The following PIP4K2B variants were observed in gnomAD, a reference collection of about 807,000 sequenced individuals.
PIP4K2B encodes phosphatidylinositol 5-phosphate 4-kinase type-2 beta.
A neutral mutation model predicts 42.0 loss-of-function variants in PIP4K2B; 3 were observed. The ratio of observed to expected loss-of-function variants is 0.07; its 90% confidence interval spans 0.03 to 0.18. PIP4K2B has a LOEUF of 0.18. PIP4K2B is among the 10% of genes least tolerant of loss of function. The pLI, the probability that PIP4K2B is intolerant of heterozygous loss-of-function variation, is 1.00. For missense variants in PIP4K2B, 332 were observed against 562.3 expected, an observed-to-expected ratio of 0.59 and a Z score of 4.14; for synonymous variants, 204 against 210.1, an observed-to-expected ratio of 0.97 and a Z score of 0.25.
intron 6 of PIP4K2B, 62 bp from the exon 7 acceptor site, chr17:38,777,862 C>A: frequency 1.7e-6 from 2 of 1,202,424 alleles, no homozygotes; most frequent in Non-Finnish European, 2.5e-6. Context: ...GGACACCCAA[C>A]TGTTCTGCCG....
chr17:38,778,425 A>G (rs939831510), intron 5 of PIP4K2B, 53 bp from the exon 6 acceptor site: 40 of 1,528,128 alleles, frequency 2.6e-5, no homozygotes, highest in Non-Finnish European at 3.3e-5. Context: ...AGTCGACTGC[A>G]TGAGCAAACA....
intron 3 of PIP4K2B, among the ~76,000 whole-genome samples, chr17:38,783,300 G>A (rs1184895137): frequency 2.7e-5 from 4 of 150,486 alleles, no homozygotes; most frequent in African/African-American, 7.3e-5. Context: ...CAAGGAAGAA[G>A]ATCCAAGGAG....
intron 9 of PIP4K2B, among the ~76,000 whole-genome samples, 190 bp downstream of exon 9, chr17:38,770,246 G>C (rs1364064185): frequency 1.3e-5 from 2 of 152,208 alleles, no homozygotes; most frequent in African/African-American, 4.8e-5. Flanking sequence ...GCCTGGCAGG[G>C]AGCAGGTGGG....
chr17:38,792,991 C>T (rs947037079), intron 1 of PIP4K2B: 5 of 152,206 alleles, frequency 3.3e-5, no homozygotes, highest in African/African-American at 4.8e-5. Flanking sequence ...TGCAATGGCG[C>T]GATCTCTGCT....
rs963936399 is a variant in PIP4K2B, at chr17:38,766,488, C to T, written c.*3203G>A. The T allele has an allele frequency of 5.2e-5, 8 of 152,654 alleles. No homozygotes were observed. Among genetic ancestry groups the T allele is most frequent in the African/African-American group, 1.7e-4 (7 of 41,444 alleles). The allele number at this position is 152,654 out of a possible 1,614,324, so 9.5% of individuals were successfully genotyped here. A position where few individuals can be genotyped will look rare whatever the true frequency, so the allele number is the denominator to read the frequency against. Reference sequence around the variant, plus strand: ...CCTCCCCAAGGTATGCCCTGGCAGACCATGAAGACAGGAAAGGCAGGGCAG... The same window carrying T: ...CCTCCCCAAGGTATGCCCTGGCAGATCATGAAGACAGGAAAGGCAGGGCAG... On this transcript the variant is annotated 3_prime_UTR_variant, in exon 10 of 10. Coordinates refer to ENST00000619039, the MANE Select transcript of PIP4K2B (RefSeq NM_003559.5).
In PIP4K2B at chr17:38,780,567, C is replaced by T; in HGVS notation, c.392G>A (p.Ser131Asn). 6.2e-7 allele frequency: 1 copy of T among 1,613,558 alleles called. No homozygotes were observed. Among genetic ancestry groups the T allele is most frequent in the Non-Finnish European group, 8.5e-7 (1 of 1,179,460 alleles). The change falls in exon 4 of 10, where the codon AGC (serine) becomes AAC (asparagine). Residue 131 changes from serine (S) to asparagine (N), a missense_variant. Transcript: ENST00000619039. ...GAAACGCGTGCCACACCGACCCTGG[C>T]TGTCACTGTTGATGGGGGCGCTGCG... ...VTRSAPINSDSQGRCGTRFLT... is the reference protein window; with the variant it reads ...VTRSAPINSDNQGRCGTRFLT...
intron 7 of PIP4K2B, among the ~76,000 whole-genome samples, chr17:38,775,390 T>C (rs1909279810): frequency 6.6e-6 from 1 of 152,218 alleles, no homozygotes; most frequent in South Asian, 2.1e-4. Flanking sequence ...TAGCTAGGAC[T>C]ACAGGCACAT....
At chr17:38,779,231 G>T in intron 5 of PIP4K2B, 152 bp downstream of exon 5, 1 of 728,948 alleles carries the variant, frequency 1.4e-6, no homozygotes, top group South Asian at 1.9e-5. Flanking sequence ...ACTGCCTTTG[G>T]TCCACAAGAA....
chr17:38,790,919 A>G (rs1910309942), intron 1 of PIP4K2B, among the ~76,000 whole-genome samples: 2 of 152,020 alleles, frequency 1.3e-5, no homozygotes, highest in Admixed American at 6.5e-5. Flanking sequence ...TATATCCCAG[A>G]GAGTTCTATT....
intron 3 of PIP4K2B, among the ~76,000 whole-genome samples, chr17:38,782,642 CTCT>C (rs1488955384): frequency 6.6e-6 from 1 of 152,212 alleles, no homozygotes; most frequent in African/African-American, 2.4e-5. Flanking sequence ...TCTCCTCCTC[CTCT>C]CACAAACCCT....
At chr17:38,777,140 C>A (rs1909404332) in intron 7 of PIP4K2B, among the ~76,000 whole-genome samples, 1 of 152,214 alleles carries the variant, frequency 6.6e-6, no homozygotes, top group Admixed American at 6.5e-5. Flanking sequence ...CCACAGCTCA[C>A]TGCAGCCTCA....
At chr17:38,780,743 C>T (rs548093247) in intron 3 of PIP4K2B, 139 bp from the exon 4 acceptor site, 2 of 724,498 alleles carry the variant, frequency 2.8e-6, no homozygotes, top group Admixed American at 5.7e-5. Flanking sequence ...AGTTTACCCT[C>T]CCCTTTTCTC....
chr17:38,796,082 G>A (rs1244426098), intron 1 of PIP4K2B, among the ~76,000 whole-genome samples: 4 of 152,164 alleles, frequency 2.6e-5, no homozygotes, highest in Non-Finnish European at 5.9e-5. Context: ...AGGTTGCGGT[G>A]AGCCGAGATT....
chr17:38,796,076 T>C (rs1281753596), intron 1 of PIP4K2B, among the ~76,000 whole-genome samples: 1 of 152,122 alleles, frequency 6.6e-6, no homozygotes, highest in Non-Finnish European at 1.5e-5. Flanking sequence ...AGGTGGAGGT[T>C]GCGGTGAGCC....
At chr17:38,775,457 C>T (rs185646637) in intron 7 of PIP4K2B, among the ~76,000 whole-genome samples, 9 of 152,260 alleles carry the variant, frequency 5.9e-5, no homozygotes, top group African/African-American at 2.2e-4. Context: ...CAGTAAATTG[C>T]CCAGGTCTCC....
rs184278294 is a variant in PIP4K2B at position 38,790,886 on chromosome 17, A to T, written c.160-3966T>A. On this transcript the variant is annotated intron_variant, in intron 1 of 9. Coordinates refer to ENST00000619039, the MANE Select transcript of PIP4K2B (RefSeq NM_003559.5). ...TGTAGGGATTAGCCCTATTATTATT[A>T]TTTTTTTAGTTGTGTGAAATTTTAT... Among the ~76,000 whole-genome samples the T allele has an allele frequency of 8.3e-4, 126 of 152,130 alleles. 4 individuals carry two copies. In the East Asian group the frequency reaches 0.023, roughly 28 times the overall value.
chr17:38,796,727 A>G (rs965675105), intron 1 of PIP4K2B, among the ~76,000 whole-genome samples: 2 of 152,342 alleles, frequency 1.3e-5, no homozygotes, highest in African/African-American at 2.4e-5. Context: ...TGCTGTAGAT[A>G]AAGACATATC....
Position 38,797,629 on chromosome 17 carries a change from TACTCCTG to T in PIP4K2B, c.159+1630_159+1636del, listed in dbSNP as rs1330572499. Among the ~76,000 whole-genome samples the T allele has an allele frequency of 2.6e-5, 4 of 152,220 alleles. No homozygotes were observed. The East Asian group carries it at 7.7e-4, about 29-fold the overall frequency. On this transcript the variant is annotated intron_variant, in intron 1 of 9. Transcript: ENST00000619039. ...CAAGGTTCATTGCAGCTAGCTGTAATACTCCTGACTCTCAGGCCTCTACCAGTTCTCT... is the reference window on the plus strand; with the variant it reads ...CAAGGTTCATTGCAGCTAGCTGTAATACTCTCAGGCCTCTACCAGTTCTCT...
chr17:38,773,302 CA>C (rs1438629416), intron 7 of PIP4K2B, among the ~76,000 whole-genome samples: 1 of 152,114 alleles, frequency 6.6e-6, no homozygotes, highest in Non-Finnish European at 1.5e-5. Flanking sequence ...CAAAACCATA[CA>C]AGAATGGCAG....
Sources: allele counts gnomAD v4.1 joint callset (sites outside exome capture counted in the v4.1 genomes callset), GRCh38; gene constraint gnomAD v4.1.1; transcripts MANE v1.5; gene names NCBI Gene and HGNC (gene_info 2026-07-23, HGNC 2026-07-21).